The following POU6F2 variants were observed in gnomAD, a reference collection of about 807,000 sequenced individuals.
The protein encoded by POU6F2 is POU class 6 homeobox 2, also known as POU domain, class 6, transcription factor 2.
In POU6F2, 31 loss-of-function variants were observed where a neutral mutation model predicts 71.3. That is an observed-to-expected ratio of 0.43 (90% CI 0.33 to 0.59). The LOEUF (loss-of-function observed/expected upper bound fraction) is 0.59, where lower values mean the gene tolerates loss of function less well. Among genes scored for constraint, POU6F2 ranks in the 20% least tolerant of loss-of-function variants. POU6F2 has a pLI of 0.04. For synonymous variants in POU6F2, 347 were observed against 355.7 expected, an observed-to-expected ratio of 0.98 and a Z score of 0.27; for missense variants, 783 against 856.8, an observed-to-expected ratio of 0.91 and a Z score of 1.07.
chr7:39,192,392 A>T (rs1335055513), intron 2 of POU6F2, among the ~76,000 whole-genome samples: 7 of 152,192 alleles, frequency 4.6e-5, no homozygotes, highest in Non-Finnish European at 8.8e-5. Context: ...TTTTGTAAAG[A>T]ATGTGGTGTT....
chr7:39,025,835 T>C (rs1200431667), intron 1 of POU6F2, among the ~76,000 whole-genome samples: 1 of 151,762 alleles, frequency 6.6e-6, no homozygotes. Context: ...GGAGAAAATT[T>C]TCGCAACCTA....
chr7:39,012,879 G>T (rs200519091), intron 1 of POU6F2, among the ~76,000 whole-genome samples: 8 of 147,982 alleles, frequency 5.4e-5, no homozygotes, highest in South Asian at 4.4e-4. Context: ...GCAGTCTGCC[G>T]GTTCTCAGAT....
intron 2 of POU6F2, among the ~76,000 whole-genome samples, chr7:39,150,964 A>C (rs183088863): frequency 1.1e-3 from 162 of 152,238 alleles, no homozygotes; most frequent in Middle Eastern, 6.8e-3. Flanking sequence ...AGAATTGAAG[A>C]AAGATTCCTC....
At chr7:39,347,943 T>C (rs1786062034) in intron 5 of POU6F2, among the ~76,000 whole-genome samples, 2 of 143,570 alleles carry the variant, frequency 1.4e-5, no homozygotes, top group Non-Finnish European at 3.1e-5. Flanking sequence ...ATCAATATTA[T>C]TATTAAGAAT....
intron 5 of POU6F2, among the ~76,000 whole-genome samples, chr7:39,363,176 A>G (rs574446851): frequency 2.0e-5 from 3 of 152,274 alleles, no homozygotes; most frequent in Admixed American, 1.3e-4. Flanking sequence ...CGTGGTGGAG[A>G]TGGTGAGAAG....
intron 1 of POU6F2, among the ~76,000 whole-genome samples, chr7:39,062,969 C>CA (rs1790688688): frequency 6.6e-6 from 1 of 151,988 alleles, no homozygotes; most frequent in Non-Finnish European, 1.5e-5. Context: ...GAGAAACAGA[C>CA]ATGGCGATCA....
intron 2 of POU6F2, among the ~76,000 whole-genome samples, chr7:39,098,111 A>C (rs185401415): frequency 1.3e-5 from 2 of 152,114 alleles, no homozygotes. Flanking sequence ...AAGGAGGATG[A>C]ATTAGATTAT....
At chr7:39,376,970 AAT>A (rs1330134512) in intron 5 of POU6F2, among the ~76,000 whole-genome samples, 3 of 148,550 alleles carry the variant, frequency 2.0e-5, no homozygotes, top group Non-Finnish European at 4.5e-5. Context: ...TCATTATAAA[AAT>A]ATATTTTACT....
intron 4 of POU6F2, among the ~76,000 whole-genome samples, chr7:39,264,355 A>G (rs943492063): frequency 6.6e-5 from 10 of 152,260 alleles, no homozygotes; most frequent in African/African-American, 2.4e-4. Flanking sequence ...ACGCCCAGCC[A>G]TCCAACTGGG....
At chr7:39,052,581 A>G (rs1790420567) in intron 1 of POU6F2, among the ~76,000 whole-genome samples, 1 of 152,084 alleles carries the variant, frequency 6.6e-6, no homozygotes, top group Non-Finnish European at 1.5e-5. Context: ...AATTACCTTC[A>G]CCTGGTCCCA....
intron 5 of POU6F2, among the ~76,000 whole-genome samples, chr7:39,400,509 A>G (rs1035258322): frequency 6.6e-6 from 1 of 152,040 alleles, no homozygotes; most frequent in Admixed American, 6.6e-5. Flanking sequence ...AGCATTGCCA[A>G]CCCTCATCTT....
chr7:39,260,534 A>G (rs1242414790), intron 4 of POU6F2, among the ~76,000 whole-genome samples: 1 of 131,410 alleles, frequency 7.6e-6, no homozygotes, highest in Non-Finnish European at 1.7e-5. Flanking sequence ...CCACACACAT[A>G]CCACGTTCCA....
At chr7:39,105,203 C>T (rs1252794274) in intron 2 of POU6F2, among the ~76,000 whole-genome samples, 12 of 152,140 alleles carry the variant, frequency 7.9e-5, no homozygotes, top group Admixed American at 3.3e-4. Flanking sequence ...AAGCTCAATA[C>T]ATTTCTCTTT....
At chr7:39,331,115 C>T (rs530588143) in intron 4 of POU6F2, among the ~76,000 whole-genome samples, 1 of 152,322 alleles carries the variant, frequency 6.6e-6, no homozygotes, top group East Asian at 1.9e-4. Flanking sequence ...GAATTTCATT[C>T]ATTTTATGGC....
chr7:39,215,258 T>C (rs533760637), intron 4 of POU6F2, among the ~76,000 whole-genome samples: 6 of 152,240 alleles, frequency 3.9e-5, no homozygotes, highest in Admixed American at 2.0e-4. Context: ...GGCATGAGAA[T>C]CGCTTGTACT....
intron 1 of POU6F2, among the ~76,000 whole-genome samples, chr7:39,015,875 AGATATAT>A (rs1789499456): frequency 1.3e-5 from 1 of 77,316 alleles, no homozygotes; most frequent in Admixed American, 2.1e-4. Flanking sequence ...TATTATATAT[AGATATAT>A]ATTATATATT....
At position 39,038,366 on chromosome 7, in the gene POU6F2, A is replaced by G. The variant is rs145148384; in HGVS notation, c.106-47494A>G. 3.6e-3 allele frequency among the ~76,000 whole-genome samples: 550 copies of G among 152,192 alleles called. 9 individuals are homozygous for G. The highest frequency in any genetic ancestry group is 0.033 in the South Asian group (157 of 4,828). On this transcript the variant is annotated intron_variant, in intron 1 of 9. Coordinates refer to ENST00000518318, the MANE Select transcript of POU6F2 (RefSeq NM_001370959.1). ...ATTTCTAAGGAATTTAAACACTCCTATGAACATTTAAGGCCTCTATTTTTA... is the reference window on the plus strand; with the variant it reads ...ATTTCTAAGGAATTTAAACACTCCTGTGAACATTTAAGGCCTCTATTTTTA...
At chr7:39,457,549 A>G (rs1414783395) in intron 8 of POU6F2, among the ~76,000 whole-genome samples, 1 of 152,188 alleles carries the variant, frequency 6.6e-6, no homozygotes, top group Non-Finnish European at 1.5e-5. Context: ...AGCCTGCTGA[A>G]TAATGGTAAA....
intron 2 of POU6F2, among the ~76,000 whole-genome samples, chr7:39,190,019 G>A (rs1454899199): frequency 6.6e-6 from 1 of 151,788 alleles, no homozygotes; most frequent in Non-Finnish European, 1.5e-5. Flanking sequence ...CCAGCCTCCC[G>A]AGTAGCTGGG....
Sources: gnomAD v4.1 joint callset for allele counts (sites outside exome capture counted in the v4.1 genomes callset) on GRCh38, gnomAD v4.1.1 for gene constraint, MANE v1.5 for transcripts, NCBI Gene and HGNC (gene_info 2026-07-23, HGNC 2026-07-21) for gene names.